Variants in FILIP1 observed in about 807,000 individuals in gnomAD.
FILIP1 encodes the protein filamin-A-interacting protein 1.
A neutral mutation model predicts 102.1 loss-of-function variants in FILIP1; 61 were observed. That is an observed-to-expected ratio of 0.60 (90% CI 0.49 to 0.74). FILIP1 has a LOEUF of 0.74. Ranked by LOEUF, FILIP1 falls within the 30% of genes least tolerant of loss-of-function variation. The probability of loss-of-function intolerance (pLI) is 0.00; values close to 1 mark genes in which losing one functional copy is unlikely to be tolerated. For synonymous variants in FILIP1, 491 were observed against 526.9 expected (o/e 0.93, Z 0.93); for missense variants, 1,314 against 1,441.2 (o/e 0.91, Z 1.43).
At chr6:75,369,795 T>C (rs1223868158) in intron 2 of FILIP1, among the ~76,000 whole-genome samples, 1 of 152,198 alleles carries the variant, frequency 6.6e-6, no homozygotes, top group Non-Finnish European at 1.5e-5. Flanking sequence ...ACAATTTTAA[T>C]ATTCACCTGA....
intron 4 of FILIP1, among the ~76,000 whole-genome samples, chr6:75,320,718 T>C (rs1362090758): frequency 1.3e-5 from 2 of 152,252 alleles, no homozygotes; most frequent in East Asian, 3.8e-4. Context: ...AGCAATTTTA[T>C]ATTAATAGTG....
At chr6:75,383,869 C>T (rs1357656449) in intron 2 of FILIP1, among the ~76,000 whole-genome samples, 1 of 152,138 alleles carries the variant, frequency 6.6e-6, no homozygotes. Context: ...AATGCGAAAT[C>T]AGGCAACCTA....
intron 1 of FILIP1, among the ~76,000 whole-genome samples, chr6:75,486,575 C>T (rs1779794592): frequency 6.6e-6 from 1 of 152,122 alleles, no homozygotes; most frequent in Admixed American, 6.6e-5. Flanking sequence ...GTTCCATAAA[C>T]AACTGCCTGA....
chr6:75,331,058 A>G (rs1291991604), intron 4 of FILIP1, among the ~76,000 whole-genome samples: 1 of 152,232 alleles, frequency 6.6e-6, no homozygotes, highest in East Asian at 1.9e-4. Flanking sequence ...ACTATCAGGT[A>G]AGCAGAAACT....
intron 1 of FILIP1, among the ~76,000 whole-genome samples, chr6:75,474,826 T>C (rs1779427883): frequency 6.6e-6 from 1 of 152,096 alleles, no homozygotes; most frequent in Non-Finnish European, 1.5e-5. Context: ...GGTTTCTCAT[T>C]CACAGTTTAG....
intron 4 of FILIP1, 42 bp downstream of exon 4, chr6:75,353,497 T>C (rs776084913): frequency 1.9e-6 from 3 of 1,608,102 alleles, no homozygotes; most frequent in South Asian, 2.2e-5. Flanking sequence ...ATGAAAGGGC[T>C]ATGGGCATCC....
chr6:75,323,010 A>C (rs1228900794), intron 4 of FILIP1, among the ~76,000 whole-genome samples: 1 of 152,214 alleles, frequency 6.6e-6, no homozygotes, highest in East Asian at 1.9e-4. Context: ...ATACTTTTTA[A>C]CTTGCAAATT....
rs142709604 is a variant in FILIP1 at position 75,313,513 on chromosome 6, G to C, written c.2319C>G (p.Thr773=). The C allele has an allele frequency of 6.2e-7, 1 of 1,614,000 alleles. No individual in the cohort carries two copies. Among genetic ancestry groups the C allele is most frequent in the Non-Finnish European group, 8.5e-7 (1 of 1,180,012 alleles). The change falls in exon 5 of 6, where the codon ACC becomes ACG. Residue 773 remains threonine (T), a synonymous_variant. Coordinates refer to ENST00000237172, the MANE Select transcript of FILIP1 (RefSeq NM_015687.5). This position sits in a 1 kb window ranked among gnomAD's most constrained non-coding sequence, Gnocchi z 4.2. ...KNMGQEVLNL[T]KELELSKRYS... ...AGCGCTTGGAAAGCTCCAACTCTTT[G>C]GTCAGATTGAGAACCTCCTGCCCCA...
chr6:75,303,290 A>G (rs1772894191), downstream of FILIP1, among the ~76,000 whole-genome samples: 1 of 152,346 alleles, frequency 6.6e-6, no homozygotes, highest in African/African-American at 2.4e-5. Flanking sequence ...AGTTGGTGAT[A>G]GAAGTTTGGG....
At chr6:75,441,687 G>A (rs1338103942) in intron 1 of FILIP1, among the ~76,000 whole-genome samples, 1 of 149,034 alleles carries the variant, frequency 6.7e-6, no homozygotes, top group Non-Finnish European at 1.5e-5. Context: ...CTCCCTGACG[G>A]GGCGGCTGGC....
At chr6:75,458,233 T>G (rs1778908766) in intron 1 of FILIP1, 1 of 152,170 alleles carries the variant, frequency 6.6e-6, no homozygotes, top group African/African-American at 2.4e-5. Flanking sequence ...CGCTACTGCA[T>G]CAGGTGGGTA....
chr6:75,451,060 G>A (rs924337154), intron 1 of FILIP1, among the ~76,000 whole-genome samples: 8 of 152,052 alleles, frequency 5.3e-5, no homozygotes, highest in African/African-American at 1.9e-4. Flanking sequence ...AGGGATAAGT[G>A]TTGGGTGTCA....
intron 5 of FILIP1, among the ~76,000 whole-genome samples, chr6:75,310,630 T>C (rs1773149567): frequency 6.6e-6 from 1 of 152,212 alleles, no homozygotes; most frequent in African/African-American, 2.4e-5. Context: ...TAGGGCTACC[T>C]TGATCTGACA....
intron 6 of FILIP1, among the ~76,000 whole-genome samples, chr6:75,299,368 T>G (rs1476643328): frequency 6.6e-6 from 1 of 152,188 alleles, no homozygotes; most frequent in Non-Finnish European, 1.5e-5. Context: ...ACAATAGTGA[T>G]TTGGAGAGCA....
At position 75,308,335 on chromosome 6, in the gene FILIP1, G is replaced by T. The variant is rs185802665; in HGVS notation, c.*356C>A. 3.0e-6 allele frequency: 3 copies of T among 1,013,638 alleles called. No individual in the cohort carries two copies. The highest frequency in any genetic ancestry group is 1.9e-4 in the East Asian group (2 of 10,660). 62.8% of individuals were successfully genotyped at this position (1,013,638 alleles called of 1,614,324 possible). A position where few individuals can be genotyped will look rare whatever the true frequency, so the allele number is the denominator to read the frequency against. On this transcript the variant is annotated 3_prime_UTR_variant, in exon 6 of 6. Transcript: ENST00000237172. ...GAACAAGGTACATTAAATTTGGCTT[G>T]CAATTAGGAAATATGGGAGCCGGAC... is the stretch of plus-strand genomic sequence containing the variant.
At chr6:75,405,152 A>C (rs1776796296) in intron 2 of FILIP1, among the ~76,000 whole-genome samples, 1 of 152,172 alleles carries the variant, frequency 6.6e-6, no homozygotes, top group Admixed American at 6.5e-5. Flanking sequence ...TCAACTACCA[A>C]ACCTTTTTGA....
chr6:75,486,191 AAC>A (rs1158329153), intron 1 of FILIP1, among the ~76,000 whole-genome samples: 1 of 152,248 alleles, frequency 6.6e-6, no homozygotes, highest in Admixed American at 6.5e-5. Flanking sequence ...CAATAGGAGC[AAC>A]AGCAGACAAA....
At chr6:75,462,389 C>A (rs1056908994) in intron 1 of FILIP1, among the ~76,000 whole-genome samples, 1 of 152,080 alleles carries the variant, frequency 6.6e-6, no homozygotes, top group Non-Finnish European at 1.5e-5. Flanking sequence ...GGAGAGGCTG[C>A]ACAACTGGAA....
At chr6:75,397,908 T>G (rs780846076) in intron 2 of FILIP1, 16 of 152,158 alleles carry the variant, frequency 1.1e-4, no homozygotes, top group Non-Finnish European at 1.5e-4. Flanking sequence ...CTGCTAAAAT[T>G]TGTGCACATT....
Sources: allele counts gnomAD v4.1 joint callset (sites outside exome capture counted in the v4.1 genomes callset), GRCh38; gene constraint gnomAD v4.1.1; non-coding constraint Gnocchi (gnomAD v3.1); transcripts MANE v1.5; gene names NCBI Gene and HGNC (gene_info 2026-07-23, HGNC 2026-07-21).